Variants in ST3GAL3 observed in about 807,000 individuals in gnomAD.
ST3GAL3 encodes ST3 beta-galactoside alpha-2,3-sialyltransferase 3.
Under a neutral mutation model 50.1 loss-of-function variants are expected in ST3GAL3, and 21 were observed. The ratio of observed to expected loss-of-function variants is 0.42; its 90% CI spans 0.30 to 0.60. The LOEUF (loss-of-function observed/expected upper bound fraction) is 0.60, where lower values mean the gene tolerates loss of function less well. Ranked by LOEUF, ST3GAL3 falls within the 20% of genes least tolerant of loss-of-function variation. ST3GAL3 has a pLI of 0.19. For missense variants in ST3GAL3, 353 were observed against 489.4 expected, an observed-to-expected ratio of 0.72 and a Z score of 2.63; for synonymous variants, 183 against 190.0, an observed-to-expected ratio of 0.96 and a Z score of 0.30.
At chr1:43,768,943 C>G (rs550956800) in intron 2 of ST3GAL3, among the ~76,000 whole-genome samples, 1 of 152,036 alleles carries the variant, frequency 6.6e-6, no homozygotes, top group Non-Finnish European at 1.5e-5. Context: ...GAAAGACAAA[C>G]TCAAGAAAGG....
chr1:43,890,517 G>C (rs28496472), intron 5 of ST3GAL3, among the ~76,000 whole-genome samples: 1 of 152,172 alleles, frequency 6.6e-6, no homozygotes, highest in Non-Finnish European at 1.5e-5. Flanking sequence ...TCAAGGCATA[G>C]AAAGAGCAGC....
In ST3GAL3 at chr1:43,779,532, C is replaced by T. The variant is rs1345981374; in HGVS notation, c.119-12570C>T. ...TTAGGTAACTTGTTTGGTTTTTTAA[C>T]CTCTGAATCTCTAATAACAAGTGTA... is the stretch of plus-strand genomic sequence containing the variant. On this transcript the variant is annotated intron_variant, in intron 2 of 11. Transcript: ENST00000347631. 3.9e-5 allele frequency among the ~76,000 whole-genome samples: 6 copies of T among 152,260 alleles called. No homozygotes were observed. In the South Asian group the frequency reaches 1.2e-3, roughly 32 times the overall value.
At chr1:43,883,702 G>C (rs1010878594) in intron 5 of ST3GAL3, among the ~76,000 whole-genome samples, 1 of 152,198 alleles carries the variant, frequency 6.6e-6, no homozygotes, top group African/African-American at 2.4e-5. Flanking sequence ...GGTGCGGGGT[G>C]GGGAGGGTGC....
rs570204584 is a variant in ST3GAL3, at chr1:43,712,677, C to T, written c.-31+4984C>T. 1.4e-3 allele frequency among the ~76,000 whole-genome samples: 212 copies of T among 152,298 alleles called. 2 individuals carry two copies. The Middle Eastern group carries it at 0.017, about 12-fold the overall frequency. On this transcript the variant is annotated intron_variant, in intron 1 of 11. Transcript: ENST00000347631. Reference sequence around the variant, plus strand: ...TGAGTACTGGTTTTCTAGGGAAGTTCACATCTGACCTACATCTTGAAAAAT... The same window carrying T: ...TGAGTACTGGTTTTCTAGGGAAGTTTACATCTGACCTACATCTTGAAAAAT...
At chr1:43,708,870 A>G in intron 1 of ST3GAL3, among the ~76,000 whole-genome samples, 1 of 152,242 alleles carries the variant, frequency 6.6e-6, no homozygotes, top group African/African-American at 2.4e-5. Flanking sequence ...TCTTGAGTAC[A>G]TATTTTATGC....
intron 5 of ST3GAL3, among the ~76,000 whole-genome samples, chr1:43,872,685 C>T (rs149307986): frequency 1.8e-4 from 27 of 152,258 alleles, no homozygotes; most frequent in African/African-American, 6.5e-4. Context: ...GTGAGCAAAA[C>T]TGACCAACAG....
chr1:43,889,146 G>A (rs2076361865), intron 5 of ST3GAL3, among the ~76,000 whole-genome samples: 1 of 150,478 alleles, frequency 6.6e-6, no homozygotes, highest in African/African-American at 2.4e-5. Flanking sequence ...AAGAAAAATA[G>A]ACAAAACAGT....
chr1:43,812,638 A>C (rs544173823), intron 3 of ST3GAL3, among the ~76,000 whole-genome samples: 32 of 152,250 alleles, frequency 2.1e-4, no homozygotes, highest in African/African-American at 7.5e-4. Context: ...ATTTTTTAAA[A>C]GTTTTTTGAA....
rs542535964 is a variant in ST3GAL3, at chr1:43,721,900, C to T, written c.-31+14207C>T. The stretch of plus-strand genomic sequence containing the variant: ...ACAGGCGTGAGCCACATACCCGGCC[C>T]CCTCATGTATTTTTTTTCAAGCACA... On this transcript the variant is annotated intron_variant, in intron 1 of 11. Transcript: ENST00000347631. 2.6e-5 allele frequency among the ~76,000 whole-genome samples: 4 copies of T among 152,194 alleles called. No individual in the cohort carries two copies. The East Asian group carries it at 5.8e-4, about 22-fold the overall frequency.
intron 4 of ST3GAL3, among the ~76,000 whole-genome samples, chr1:43,821,880 G>T (rs2154184636): frequency 6.6e-6 from 1 of 152,320 alleles, no homozygotes; most frequent in East Asian, 1.9e-4. Flanking sequence ...TCAGTTAACA[G>T]ATTTGTTGAG....
intron 2 of ST3GAL3, among the ~76,000 whole-genome samples, chr1:43,774,732 G>A (rs1572608984): frequency 6.6e-6 from 1 of 152,158 alleles, no homozygotes; most frequent in Admixed American, 6.5e-5. Flanking sequence ...AAGATGACCT[G>A]TTTCCAGATC....
intron 4 of ST3GAL3, among the ~76,000 whole-genome samples, chr1:43,822,442 T>C (rs893845342): frequency 1.3e-5 from 2 of 152,214 alleles, no homozygotes; most frequent in African/African-American, 4.8e-5. Context: ...ATGGGGACTT[T>C]AATGCTCAGT....
chr1:43,918,117 C>CTTTT (rs1557544940), intron 9 of ST3GAL3, among the ~76,000 whole-genome samples: 1 of 30,668 alleles, frequency 3.3e-5, no homozygotes, highest in South Asian at 1.4e-3. Flanking sequence ...TTTTTTCTTT[C>CTTTT]TCTTTTTTTT....
chr1:43,748,516 C>A (rs1558128706), intron 2 of ST3GAL3, among the ~76,000 whole-genome samples: 1 of 147,566 alleles, frequency 6.8e-6, no homozygotes, highest in Admixed American at 7.0e-5. Context: ...GCAGCCTCAA[C>A]CTCCCCAGCT....
chr1:43,836,413 G>T (rs2064334524), intron 4 of ST3GAL3, among the ~76,000 whole-genome samples: 1 of 152,206 alleles, frequency 6.6e-6, no homozygotes, highest in Non-Finnish European at 1.5e-5. Flanking sequence ...AAGAAATTGT[G>T]CATTGATCAG....
At chr1:43,878,682 T>A (rs1437980345) in intron 5 of ST3GAL3, among the ~76,000 whole-genome samples, 1 of 152,166 alleles carries the variant, frequency 6.6e-6, no homozygotes, top group Admixed American at 6.5e-5. Context: ...TAGGCTGTTG[T>A]AAGGATGTCA....
intron 5 of ST3GAL3, 185 bp downstream of exon 5, chr1:43,838,496 C>G: frequency 1.6e-6 from 1 of 620,536 alleles, no homozygotes; most frequent in Non-Finnish European, 3.0e-6. Flanking sequence ...TTGCCTTACT[C>G]CCATCCTGCC....
intron 5 of ST3GAL3, among the ~76,000 whole-genome samples, chr1:43,885,201 C>T (rs531240398): frequency 6.6e-6 from 1 of 152,284 alleles, no homozygotes; most frequent in Non-Finnish European, 1.5e-5. Context: ...TACAGGTCTG[C>T]GAGCAGGGCA....
chr1:43,809,668 G>A (rs1304052391), intron 3 of ST3GAL3, among the ~76,000 whole-genome samples: 1 of 151,572 alleles, frequency 6.6e-6, no homozygotes, highest in Non-Finnish European at 1.5e-5. Context: ...CCACACTCCA[G>A]GCTGGGCTAT....
Sources: allele counts gnomAD v4.1 joint callset (sites outside exome capture counted in the v4.1 genomes callset), GRCh38; gene constraint gnomAD v4.1.1; transcripts MANE v1.5; gene names NCBI Gene and HGNC (gene_info 2026-07-23, HGNC 2026-07-21).